Variants in RHBDL2 observed in about 807,000 individuals in gnomAD.
The protein encoded by RHBDL2 is rhomboid-related protein 2.
A neutral mutation model predicts 31.7 loss-of-function variants in RHBDL2; 26 were observed. That is an observed-to-expected ratio of 0.82 (90% CI 0.60 to 1.14). RHBDL2 has a LOEUF of 1.14. RHBDL2 is among the 50% of genes most tolerant of loss of function. The pLI, the probability that RHBDL2 is intolerant of heterozygous loss-of-function variation, is 0.00. For missense variants in RHBDL2, 336 were observed against 364.4 expected, an observed-to-expected ratio of 0.92 and a Z score of 0.63; for synonymous variants, 123 against 127.2, an observed-to-expected ratio of 0.97 and a Z score of 0.22.
At chr1:38,889,016 G>C (rs1642820591) in intron 6 of RHBDL2, among the ~76,000 whole-genome samples, 1 of 152,102 alleles carries the variant, frequency 6.6e-6, no homozygotes, top group Non-Finnish European at 1.5e-5. Context: ...GGTCTATATG[G>C]GCCATTGTAA....
At chr1:38,899,805 G>A (rs1392481887) in intron 4 of RHBDL2, among the ~76,000 whole-genome samples, 1 of 152,140 alleles carries the variant, frequency 6.6e-6, no homozygotes, top group African/African-American at 2.4e-5. Context: ...CCTCCTCTGG[G>A]TCTGCCCCAG....
intron 1 of RHBDL2, among the ~76,000 whole-genome samples, chr1:38,932,822 A>T (rs1030865034): frequency 6.6e-6 from 1 of 152,156 alleles, no homozygotes; most frequent in Non-Finnish European, 1.5e-5. Flanking sequence ...AGCATGCCTC[A>T]TCAGAACCAG....
intron 3 of RHBDL2, among the ~76,000 whole-genome samples, chr1:38,914,478 G>A (rs962460899): frequency 1.3e-5 from 2 of 151,768 alleles, no homozygotes; most frequent in African/African-American, 4.8e-5. Context: ...CTGACCTCAG[G>A]TGATCTATCC....
chr1:38,925,911 A>T (rs1186336227), intron 1 of RHBDL2: 5 of 1,244,644 alleles, frequency 4.0e-6, no homozygotes, highest in African/African-American at 3.1e-5. Context: ...CATTCAACTC[A>T]TATTCATTTA....
chr1:38,920,638 G>A (rs9439094), intron 1 of RHBDL2, among the ~76,000 whole-genome samples: 68,210 of 139,052 alleles, frequency 0.49, 18,281 homozygotes, highest in Admixed American at 0.61. Flanking sequence ...ACAGAGTCTC[G>A]CTCTGTCGCC....
intron 1 of RHBDL2, among the ~76,000 whole-genome samples, chr1:38,931,524 A>C (rs1204491327): frequency 6.8e-6 from 1 of 147,696 alleles, no homozygotes; most frequent in Non-Finnish European, 1.5e-5. Context: ...TCCGTCTCAA[A>C]AAAAAAAAAG....
intron 1 of RHBDL2, among the ~76,000 whole-genome samples, chr1:38,934,940 AAAG>A (rs1643477969): frequency 7.0e-6 from 1 of 143,392 alleles, no homozygotes; most frequent in Admixed American, 7.4e-5. Flanking sequence ...CCTGGGTGAC[AAAG>A]CTAGGCTCAG....
At chr1:38,921,252 C>T (rs1336951791) in intron 1 of RHBDL2, among the ~76,000 whole-genome samples, 2 of 152,122 alleles carry the variant, frequency 1.3e-5, no homozygotes, top group Admixed American at 6.5e-5. Flanking sequence ...CATAGTGGCA[C>T]GTGCCTGTAC....
intron 4 of RHBDL2, among the ~76,000 whole-genome samples, chr1:38,905,038 A>G (rs1420380669): frequency 2.0e-5 from 3 of 150,936 alleles, no homozygotes; most frequent in Non-Finnish European, 4.4e-5. Context: ...CTCAAAAAAA[A>G]TAAAAATAAA....
intron 3 of RHBDL2, among the ~76,000 whole-genome samples, chr1:38,911,643 T>TGCGCGCGC (rs1395800232): frequency 8.5e-5 from 5 of 58,760 alleles, no homozygotes; most frequent in African/African-American, 2.1e-4. Flanking sequence ...TGTGTGTGTG[T>TGCGCGCGC]GTGCGCGCGC....
intron 1 of RHBDL2, among the ~76,000 whole-genome samples, chr1:38,940,680 G>A (rs1418758686): frequency 6.6e-6 from 1 of 152,198 alleles, no homozygotes; most frequent in Non-Finnish European, 1.5e-5. Context: ...AGGTGTTTAG[G>A]AAGGCTCCAC....
rs190617365 is a variant in RHBDL2, at chr1:38,918,928, A to C, written c.246+39T>G. On this transcript the variant is annotated intron_variant, in intron 2 of 7. Transcript: ENST00000372990. The stretch of plus-strand genomic sequence containing the variant: ...CCCCTAGTTTGTTCCCAGCTTCCCC[A>C]TGCCACTTACCCCGGTGCCCACCCC... 6.3e-5 allele frequency: 100 copies of C among 1,591,314 alleles called. No homozygotes were observed. In the East Asian group the frequency reaches 1.9e-3, roughly 31 times the overall value.
intron 7 of RHBDL2, 139 bp downstream of exon 7, chr1:38,887,824 G>C: frequency 1.6e-6 from 1 of 613,862 alleles, no homozygotes. Flanking sequence ...CAATTCAAAA[G>C]TCTGATTTCC....
chr1:38,906,646 C>A (rs1008547088), intron 4 of RHBDL2, among the ~76,000 whole-genome samples: 2 of 151,550 alleles, frequency 1.3e-5, no homozygotes, highest in Admixed American at 1.3e-4. Context: ...TGCACTCCAG[C>A]CTGGGCGACA....
chr1:38,891,700 C>T (rs1370796709), intron 6 of RHBDL2, among the ~76,000 whole-genome samples: 1 of 152,190 alleles, frequency 6.6e-6, no homozygotes, highest in Non-Finnish European at 1.5e-5. Flanking sequence ...GAAATATTAG[C>T]GTTCTTATAT....
intron 4 of RHBDL2, among the ~76,000 whole-genome samples, chr1:38,900,092 TC>T (rs1212479044): frequency 2.0e-4 from 30 of 152,192 alleles, no homozygotes; most frequent in Admixed American, 2.0e-3. Flanking sequence ...CAAACTGCTT[TC>T]AAGTAACATA....
At position 38,886,425 on chromosome 1, in the gene RHBDL2, G is replaced by C; in HGVS notation, c.*79C>G. ...TGTTAGCCTTTTCTGAGACTTCTCT[G>C]TTTCTTCATAGAGTCTTCCTTTTTT... On this transcript the variant is annotated 3_prime_UTR_variant, in exon 8 of 8. Coordinates refer to ENST00000372990, the MANE Select transcript of RHBDL2 (RefSeq NM_017821.5). 1 of 1,139,146 alleles carries C rather than the reference G, an allele frequency of 8.8e-7. No homozygotes were observed. Among genetic ancestry groups the C allele is most frequent in the East Asian group, 2.6e-5 (1 of 39,030 alleles). The allele number at this position is 1,139,146 out of a possible 1,614,324, so 70.6% of individuals were successfully genotyped here.
chr1:38,902,642 G>A (rs1052581173), intron 4 of RHBDL2, among the ~76,000 whole-genome samples: 1 of 151,708 alleles, frequency 6.6e-6, no homozygotes, highest in Non-Finnish European at 1.5e-5. Context: ...GGCTGGTCTC[G>A]AACTCCTGAC....
At chr1:38,931,248 A>C (rs967054014) in intron 1 of RHBDL2, among the ~76,000 whole-genome samples, 1 of 152,192 alleles carries the variant, frequency 6.6e-6, no homozygotes, top group Admixed American at 6.6e-5. Context: ...GCGGCCAGGC[A>C]CTATGGCTCA....
Sources: gnomAD v4.1 joint callset for allele counts (sites outside exome capture counted in the v4.1 genomes callset) on GRCh38, gnomAD v4.1.1 for gene constraint, MANE v1.5 for transcripts, NCBI Gene and HGNC (gene_info 2026-07-23, HGNC 2026-07-21) for gene names.